Variants in PCDHA6 observed in about 807,000 individuals in gnomAD.
PCDHA6 encodes protocadherin alpha-6.
PCDHA6 carries 55 observed loss-of-function variants against 60.3 expected under a neutral mutation model. The observed-to-expected ratio is 0.91, with a 90% CI of 0.73 to 1.14. PCDHA6 has a LOEUF of 1.14. Ranked by LOEUF, PCDHA6 falls within the 50% of genes most tolerant of loss-of-function variation. The pLI, the probability that PCDHA6 is intolerant of heterozygous loss-of-function variation, is 0.00. For missense variants in PCDHA6, 1,327 were observed against 1,256.5 expected, an observed-to-expected ratio of 1.06 and a Z score of -0.85; for synonymous variants, 652 against 557.9, an observed-to-expected ratio of 1.17 and a Z score of -2.38.
At chr5:140,904,471 C>G (rs2071156688) in intron 1 of PCDHA6, among the ~76,000 whole-genome samples, 1 of 151,730 alleles carries the variant, frequency 6.6e-6, no homozygotes, top group Non-Finnish European at 1.5e-5. Context: ...TGATTGGTGG[C>G]TATTTGGTCT....
chr5:140,962,155 G>A (rs977043867), intron 1 of PCDHA6, among the ~76,000 whole-genome samples: 8 of 152,060 alleles, frequency 5.3e-5, no homozygotes, highest in South Asian at 2.1e-4. Flanking sequence ...GATTACAGGC[G>A]TGAGCCACCA....
Position 140,852,435 on chromosome 5 carries a change from G to A in PCDHA6, c.2394+21950G>A, listed in dbSNP as rs2150516888. ...TGGGATTATAGGCACATGCCACCGC[G>A]CCCAGCTAATTTTTGTATTTTTAGT... On this transcript the variant is annotated intron_variant, in intron 1 of 3. Coordinates refer to ENST00000529310, the MANE Select transcript of PCDHA6 (RefSeq NM_018909.4). 3.0e-4 allele frequency: 55 copies of A among 181,308 alleles called. 4 individuals carry two copies. Among genetic ancestry groups the A allele is most frequent in the African/African-American group, 1.1e-3 (44 of 41,148 alleles). 11.2% of individuals were successfully genotyped at this position (181,308 alleles called of 1,614,324 possible).
chr5:140,923,152 T>C (rs2153567399), intron 1 of PCDHA6, among the ~76,000 whole-genome samples: 1 of 152,204 alleles, frequency 6.6e-6, no homozygotes, highest in South Asian at 2.1e-4. Context: ...TAAAAAAAAT[T>C]ATAGAAAGAT....
chr5:140,869,745 T>C (rs1407210744), intron 1 of PCDHA6: 3 of 1,613,220 alleles, frequency 1.9e-6, no homozygotes, highest in Non-Finnish European at 2.5e-6. Context: ...TGCTAACAGC[T>C]ACAGACGGGG....
In PCDHA6 at chr5:140,830,512, T is replaced by C. The variant is rs2150187372; in HGVS notation, c.2394+27T>C. The C allele has an allele frequency of 1.4e-4, 192 of 1,383,570 alleles. 1 individual carries two copies. The highest frequency in any genetic ancestry group is 1.8e-4 in the Non-Finnish European group (187 of 1,037,940). The allele number at this position is 1,383,570 out of a possible 1,614,324, so 85.7% of individuals were successfully genotyped here. On this transcript the variant is annotated intron_variant, in intron 1 of 3. Coordinates refer to ENST00000529310, the MANE Select transcript of PCDHA6 (RefSeq NM_018909.4). ...TAAGTGAATTTTCATAATTAACAGTTAATTTTTATTTTAAATTTATAATTG... is the reference window on the plus strand; with the variant it reads ...TAAGTGAATTTTCATAATTAACAGTCAATTTTTATTTTAAATTTATAATTG...
At chr5:140,835,595 C>G (rs1241128064) in intron 1 of PCDHA6, 25 of 1,613,818 alleles carry the variant, frequency 1.5e-5, no homozygotes, top group Admixed American at 5.0e-5. Context: ...TCAAGAATTA[C>G]TATTCATTGG....
In PCDHA6 at chr5:140,829,423, G is replaced by A. The variant is rs2150167639; in HGVS notation, c.1332G>A (p.Glu444=). 3 of 1,614,120 alleles carry A rather than the reference G, an allele frequency of 1.9e-6. No homozygotes were observed. Among genetic ancestry groups the A allele is most frequent in the Middle Eastern group, 1.7e-4 (1 of 6,008 alleles). The part of the protein sequence containing the change: ...SLWATASLSV[E]VADMNDNAPA... The stretch of plus-strand genomic sequence containing the variant: ...GGGCCACCGCCAGCTTGTCTGTGGA[G>A]GTGGCCGACATGAATGACAATGCTC... Residue 444 remains glutamate, a synonymous_variant, in exon 1 of 4, where the codon GAG becomes GAA. Transcript: ENST00000529310.
At chr5:140,999,215 C>T (rs1290752092) in intron 3 of PCDHA6, among the ~76,000 whole-genome samples, 1 of 152,140 alleles carries the variant, frequency 6.6e-6, no homozygotes, top group South Asian at 2.1e-4. Context: ...TCTGGAAGTA[C>T]TACATTTGAG....
At chr5:140,867,267 A>G (rs2049851956) in intron 1 of PCDHA6, 1 of 152,078 alleles carries the variant, frequency 6.6e-6, no homozygotes, top group African/African-American at 2.4e-5. Flanking sequence ...TTTTGTTCAA[A>G]ATAAACCTGA....
rs1244863106 is a variant in PCDHA6, at chr5:140,828,163, G to A, written c.72G>A (p.Trp24Ter). 5.0e-6 allele frequency: 8 copies of A among 1,614,068 alleles called. No homozygotes were observed. Among genetic ancestry groups the A allele is most frequent in the African/African-American group, 1.3e-5 (1 of 74,954 alleles). The change falls in exon 1 of 4, where the codon TGG (tryptophan) becomes TGA (stop). Residue 24 changes from tryptophan to a stop codon, truncating the protein, a stop_gained. Coordinates refer to ENST00000529310, the MANE Select transcript of PCDHA6 (RefSeq NM_018909.4). LOFTEE classifies it high-confidence loss of function. ...TCCCGCTTCTGCTCCTCGCAGCCTG[G>A]AAGGTGGGGAGCGGCCAGCTCCACT... is the stretch of plus-strand genomic sequence containing the variant. The part of the protein sequence containing the change: ...LLLPLLLLAA[W>*]KVGSGQLHYS...
intron 1 of PCDHA6, among the ~76,000 whole-genome samples, chr5:140,915,967 A>G (rs1188377648): frequency 1.3e-5 from 2 of 152,078 alleles, no homozygotes; most frequent in Non-Finnish European, 2.9e-5. Flanking sequence ...TTTGCCTGAT[A>G]TTTTATTTGA....
chr5:141,009,760 A>T lies in PCDHA6; in HGVS notation c.2676A>T (p.Gly892=), dbSNP rs782167920. The change falls in exon 4 of 4, where the codon GGA becomes GGT. Residue 892 remains glycine, a synonymous_variant. Transcript: ENST00000529310. ...TGCCCGACAAATTCATTATCCCAGG[A>T]TCTCCTGCAATCATCTCCATCCGGC... ...GELPDKFIIP[G]SPAIISIRQE... is the part of the protein sequence containing the mutation. 1.9e-6 allele frequency: 3 copies of T among 1,614,130 alleles called. No individual in the cohort carries two copies. Among genetic ancestry groups the T allele is most frequent in the Admixed American group, 3.3e-5 (2 of 60,020 alleles).
intron 1 of PCDHA6, chr5:140,927,071 GCCA>G (rs2083808355): frequency 4.3e-6 from 7 of 1,610,970 alleles, no homozygotes; most frequent in Non-Finnish European, 5.9e-6. Flanking sequence ...TTCCTTTCCA[GCCA>G]CCGCGAGCTC....
chr5:140,851,595 G>A (rs1470017891), intron 1 of PCDHA6: 19 of 919,212 alleles, frequency 2.1e-5, no homozygotes, highest in Non-Finnish European at 2.5e-5. Flanking sequence ...TTGAAATTCA[G>A]TTTACAGAAA....
chr5:140,929,508 A>C (rs1200880949), intron 1 of PCDHA6: 3 of 831,290 alleles, frequency 3.6e-6, no homozygotes, highest in Non-Finnish European at 5.1e-6. Context: ...CCTAGGCCTC[A>C]AGGGACTTAT....
At chr5:140,869,725 C>T (rs1326402140) in intron 1 of PCDHA6, 1 of 1,613,284 alleles carries the variant, frequency 6.2e-7, no homozygotes, top group Non-Finnish European at 8.5e-7. Flanking sequence ...AACTCCGGAA[C>T]TTAATTTGCT....
intron 1 of PCDHA6, chr5:140,968,823 A>T (rs569036779): frequency 1.2e-6 from 2 of 1,614,192 alleles, no homozygotes; most frequent in Non-Finnish European, 8.5e-7. Context: ...AGGGTTTCCA[A>T]AATCCTCCCT....
At chr5:140,842,730 C>T (rs1302356073) in intron 1 of PCDHA6, 1 of 1,594,964 alleles carries the variant, frequency 6.3e-7, no homozygotes, top group Non-Finnish European at 8.6e-7. Flanking sequence ...AACAACCCGC[C>T]GGGCTGCCAC....
At chr5:140,941,194 TCTTTCTTCCTTTCTTTCTTCC>T (rs1563183817) in intron 1 of PCDHA6, among the ~76,000 whole-genome samples, 5 of 112,350 alleles carry the variant, frequency 4.5e-5, no homozygotes, top group Admixed American at 9.1e-5. Flanking sequence ...TCTTTTTTTT[TCTTTCTTCCTTTCTTTCTTCC>T]TTTCTTTCTT....
Sources: allele counts gnomAD v4.1 joint callset (sites outside exome capture counted in the v4.1 genomes callset), GRCh38; gene constraint gnomAD v4.1.1; transcripts MANE v1.5; gene names NCBI Gene and HGNC (gene_info 2026-07-23, HGNC 2026-07-21).